MDN1: variants seen among roughly 807,000 people sequenced by gnomAD.
MDN1 encodes midasin.
A neutral mutation model predicts 669.2 loss-of-function variants in MDN1; 266 were observed. The ratio of observed to expected loss-of-function variants is 0.40; its 90% CI spans 0.36 to 0.44. MDN1 has a LOEUF of 0.44. MDN1 is among the 20% of genes least tolerant of loss of function. The pLI, the probability that MDN1 is intolerant of heterozygous loss-of-function variation, is 1.00. For missense variants in MDN1, 5,940 were observed against 6,754.0 expected (o/e 0.88, Z 4.22); for synonymous variants, 2,385 against 2,457.1 (o/e 0.97, Z 0.87).
At chr6:89,751,290 A>T in intron 23 of MDN1, 141 bp downstream of exon 23, 1 of 1,064,344 alleles carries the variant, frequency 9.4e-7, no homozygotes. Context: ...AAAAAGTTAT[A>T]GTACTGACTT....
chr6:89,662,708 G>A, intron 86 of MDN1, 84 bp downstream of exon 86: 13 of 1,398,512 alleles, frequency 9.3e-6, no homozygotes, highest in Non-Finnish European at 1.3e-5. Flanking sequence ...AGAAAAAGAA[G>A]AGAAGTAAAT....
At chr6:89,781,050 T>TTAAA (rs1274832440) in intron 10 of MDN1, among the ~76,000 whole-genome samples, 3 of 151,670 alleles carry the variant, frequency 2.0e-5, no homozygotes, top group Non-Finnish European at 4.4e-5. Context: ...CCAAGAAGAC[T>TTAAA]TATTTAAGAC....
Position 89,686,884 on chromosome 6 carries a change from T to C in MDN1, c.11572+18A>G. On this transcript the variant is annotated intron_variant, in intron 69 of 101. Coordinates refer to ENST00000369393, the MANE Select transcript of MDN1 (RefSeq NM_014611.3). ...CGGGAAGCTCTAAGTGGGCAGGAAA[T>C]GTACTGCTAGGCATTACCTTCCTGT... 1 of 1,612,898 alleles carries C rather than the reference T, an allele frequency of 6.2e-7. No individual in the cohort carries two copies. Among genetic ancestry groups the C allele is most frequent in the Non-Finnish European group, 8.5e-7 (1 of 1,179,574 alleles).
intron 40 of MDN1, 148 bp downstream of exon 40, chr6:89,722,807 T>C (rs1347913365): frequency 1.2e-5 from 8 of 672,626 alleles, no homozygotes; most frequent in African/African-American, 3.7e-5. Flanking sequence ...GATTATGCCA[T>C]TGCACTCCAG....
chr6:89,680,329 CTAGTA>C (rs1387774209), intron 74 of MDN1, among the ~76,000 whole-genome samples: 14 of 152,212 alleles, frequency 9.2e-5, no homozygotes, highest in African/African-American at 2.4e-5. Flanking sequence ...CCAACAGGAA[CTAGTA>C]TAGACAAGGC....
chr6:89,792,258 T>C (rs1189875141), intron 5 of MDN1, among the ~76,000 whole-genome samples: 2 of 152,152 alleles, frequency 1.3e-5, no homozygotes, highest in Non-Finnish European at 2.9e-5. Flanking sequence ...AGTTCTCAAA[T>C]ATGGCTGGTT....
intron 1 of MDN1, among the ~76,000 whole-genome samples, chr6:89,810,305 G>A (rs142090893): frequency 0.093 from 14,053 of 151,582 alleles, 841 homozygotes; most frequent in Non-Finnish European, 0.13. Flanking sequence ...GTATGGTGGC[G>A]GGTGCCTGTA....
At chr6:89,782,964 A>G (rs1055153268) in intron 9 of MDN1, among the ~76,000 whole-genome samples, 1 of 152,214 alleles carries the variant, frequency 6.6e-6, no homozygotes, top group African/African-American at 2.4e-5. Context: ...TGTTATCTTC[A>G]TAAGCTGAGG....
At chr6:89,723,667 C>A (rs932879192) in intron 38 of MDN1, 48 bp from the exon 39 acceptor site, 2 of 1,123,988 alleles carry the variant, frequency 1.8e-6, no homozygotes, top group East Asian at 2.7e-5. Context: ...TTCTCTTTAC[C>A]AAACACTAGA....
At chr6:89,670,171 T>TATATATATATA (rs1491299915) in intron 83 of MDN1, among the ~76,000 whole-genome samples, 9 of 12,988 alleles carry the variant, frequency 6.9e-4, no homozygotes, top group African/African-American at 1.6e-3. Flanking sequence ...TATATATATA[T>TATATATATATA]TTTTTTTTTT....
intron 84 of MDN1, among the ~76,000 whole-genome samples, chr6:89,666,842 T>TA (rs1412121818): frequency 3.9e-5 from 6 of 152,232 alleles, no homozygotes; most frequent in Admixed American, 1.3e-4. Flanking sequence ...TCCATGTTGA[T>TA]ACATACAAAA....
chr6:89,738,542 T>TA, intron 32 of MDN1, 87 bp from the exon 33 acceptor site: 1 of 1,431,620 alleles, frequency 7.0e-7, no homozygotes, highest in Non-Finnish European at 9.7e-7. Flanking sequence ...TGTTAGCTGT[T>TA]AAGTCCAGCA....
chr6:89,675,678 C>T, intron 77 of MDN1, 99 bp from the exon 78 acceptor site: 5 of 931,856 alleles, frequency 5.4e-6, no homozygotes, highest in Non-Finnish European at 6.8e-6. Flanking sequence ...GTCAGACATG[C>T]CACACTCTAG....
intron 59 of MDN1, among the ~76,000 whole-genome samples, chr6:89,698,232 A>C (rs1812900683): frequency 6.6e-6 from 1 of 152,176 alleles, no homozygotes; most frequent in African/African-American, 2.4e-5. Flanking sequence ...ATGTGTAGAC[A>C]CTCTGACCAA....
At chr6:89,665,069 C>T (rs371479695) in intron 84 of MDN1, among the ~76,000 whole-genome samples, 1 of 152,218 alleles carries the variant, frequency 6.6e-6, no homozygotes, top group South Asian at 2.1e-4. Flanking sequence ...CACTATGTTG[C>T]CCAGCCTGGA....
intron 73 of MDN1, 38 bp from the exon 74 acceptor site, chr6:89,680,789 A>G (rs1220455505): frequency 3.7e-6 from 6 of 1,601,466 alleles, no homozygotes; most frequent in Admixed American, 1.7e-5. Flanking sequence ...ACTGCCAAGA[A>G]TGACAGGCAG....
rs1169431239 is a variant in MDN1 at position 89,689,914 on chromosome 6, T to C, written c.10979A>G (p.Tyr3660Cys). The C allele has an allele frequency of 5.0e-6, 8 of 1,614,220 alleles. No homozygotes were observed. The highest frequency in any genetic ancestry group is 2.2e-5 in the East Asian group (1 of 44,894). The change falls in exon 65 of 102, where the codon TAT (tyrosine) becomes TGT (cysteine). Residue 3660 changes from tyrosine to cysteine, a missense_variant. Tyr to Cys is a radical substitution (Grantham distance 194). Coordinates refer to ENST00000369393, the MANE Select transcript of MDN1 (RefSeq NM_014611.3). ...TGTCACAAGCGATGCCCCAGTCTGA[T>C]AGCAAGACAGAAACAGGCTGAGGTA... Reference protein sequence around the residue: ...KHYLSLFLSCYQTGASLVTHF... With the variant: ...KHYLSLFLSCCQTGASLVTHF...
chr6:89,727,827 C>T lies in MDN1; in HGVS notation c.5472+6G>A, dbSNP rs112893069. ...CCGTCTTGGGCATGACAAACAGGCCCCTCACCTCATCCAACACCACCCAAT... is the reference window on the plus strand; with the variant it reads ...CCGTCTTGGGCATGACAAACAGGCCTCTCACCTCATCCAACACCACCCAAT... On this transcript the variant is annotated splice_donor_region_variant and intron_variant, in intron 37 of 101. Coordinates refer to ENST00000369393, the MANE Select transcript of MDN1 (RefSeq NM_014611.3). 280,796 of 1,613,268 alleles carry T rather than the reference C, an allele frequency of 0.17. 26,191 individuals are homozygous for T. Among genetic ancestry groups the T allele is most frequent in the Non-Finnish European group, 0.19 (224,817 of 1,179,556 alleles).
intron 88 of MDN1, 149 bp from the exon 89 acceptor site, chr6:89,659,066 C>T: frequency 1.4e-6 from 1 of 717,258 alleles, no homozygotes; most frequent in South Asian, 2.0e-5. Context: ...AATCTGGCCT[C>T]TACATGTTTC....
Sources: gnomAD v4.1 joint callset for allele counts (sites outside exome capture counted in the v4.1 genomes callset) on GRCh38, gnomAD v4.1.1 for gene constraint, MANE v1.5 for transcripts, NCBI Gene and HGNC (gene_info 2026-07-23, HGNC 2026-07-21) for gene names.